The following ANKRD17 variants were observed in gnomAD, a reference collection of about 807,000 sequenced individuals.
The protein encoded by ANKRD17 is ankyrin repeat domain 17, also known as ankyrin repeat domain-containing protein 17.
In ANKRD17, 19 loss-of-function variants were observed where a neutral mutation model predicts 229.7. The observed-to-expected ratio is 0.08, with a 90% confidence interval of 0.06 to 0.12. The LOEUF (loss-of-function observed/expected upper bound fraction) is 0.12. ANKRD17 is among the 10% of genes least tolerant of loss of function. ANKRD17 has a pLI of 1.00. For synonymous variants in ANKRD17, 1,112 were observed against 1,146.1 expected (o/e 0.97, Z 0.60); for missense variants, 2,176 against 3,176.8 (o/e 0.68, Z 7.57).
At chr4:73,096,561 G>A (rs1443712095) in intron 27 of ANKRD17, among the ~76,000 whole-genome samples, 7 of 152,026 alleles carry the variant, frequency 4.6e-5, no homozygotes, top group Admixed American at 2.6e-4. Flanking sequence ...CGAAATTTCC[G>A]GAAAGTTCTT....
At chr4:73,087,300 G>T (rs961066709) in intron 29 of ANKRD17, among the ~76,000 whole-genome samples, 9 of 151,858 alleles carry the variant, frequency 5.9e-5, no homozygotes, top group African/African-American at 1.7e-4. Flanking sequence ...GCCCAGGCAG[G>T]TCTTAAATTT....
chr4:73,170,893 C>T (rs1272469353), intron 2 of ANKRD17, among the ~76,000 whole-genome samples: 1 of 152,088 alleles, frequency 6.6e-6, no homozygotes, highest in Non-Finnish European at 1.5e-5. Flanking sequence ...GGTTTTTGAC[C>T]TCAGTTCCTG....
intron 1 of ANKRD17, among the ~76,000 whole-genome samples, chr4:73,218,504 A>G (rs968149935): frequency 2.0e-5 from 3 of 151,946 alleles, no homozygotes; most frequent in Admixed American, 1.3e-4. Flanking sequence ...ATTGCCAGGC[A>G]TGGTGGCGCA....
At chr4:73,122,940 T>C (rs1266691407) in intron 18 of ANKRD17, among the ~76,000 whole-genome samples, 2 of 152,074 alleles carry the variant, frequency 1.3e-5, no homozygotes, top group African/African-American at 4.8e-5. Flanking sequence ...ACAACAAAAA[T>C]GTATGATTTT....
chr4:73,155,980 A>C (rs762439118), intron 4 of ANKRD17, 39 bp downstream of exon 4: 95 of 1,537,406 alleles, frequency 6.2e-5, no homozygotes, highest in Non-Finnish European at 7.9e-5. Flanking sequence ...GCCAGTTTTT[A>C]AAAAAACAAC....
chr4:73,136,193 C>T (rs1728874260), intron 15 of ANKRD17, among the ~76,000 whole-genome samples: 1 of 152,062 alleles, frequency 6.6e-6, no homozygotes, highest in African/African-American at 2.4e-5. Flanking sequence ...TGAACATCAT[C>T]TCCCCCAACC....
At chr4:73,189,926 C>T (rs1413596059) in intron 1 of ANKRD17, among the ~76,000 whole-genome samples, 2 of 152,092 alleles carry the variant, frequency 1.3e-5, no homozygotes, top group African/African-American at 4.8e-5. Flanking sequence ...AAATAGAACA[C>T]ATTATGACTA....
At chr4:73,171,037 T>C (rs369182762) in intron 2 of ANKRD17, among the ~76,000 whole-genome samples, 14 of 152,124 alleles carry the variant, frequency 9.2e-5, no homozygotes, top group African/African-American at 3.4e-4. Flanking sequence ...ACATAGGTGG[T>C]AGCCAGGTAG....
intron 25 of ANKRD17, among the ~76,000 whole-genome samples, chr4:73,101,345 AT>A (rs1723954586): frequency 6.6e-6 from 1 of 152,150 alleles, no homozygotes; most frequent in Non-Finnish European, 1.5e-5. Context: ...ATGTAAGCAA[AT>A]GTCATTCTTG....
At chr4:73,223,973 C>T (rs963710542) in intron 1 of ANKRD17, among the ~76,000 whole-genome samples, 14 of 152,032 alleles carry the variant, frequency 9.2e-5, no homozygotes, top group Admixed American at 7.2e-4. Flanking sequence ...AACAATGGGC[C>T]GAGCGCAGTG....
chr4:73,208,648 A>G (rs1171266596), intron 1 of ANKRD17, among the ~76,000 whole-genome samples: 2 of 152,198 alleles, frequency 1.3e-5, no homozygotes, highest in Non-Finnish European at 2.9e-5. Context: ...CTCCAAGGAA[A>G]CCCCAGTTAA....
At chr4:73,200,526 T>G (rs1738521803) in intron 1 of ANKRD17, among the ~76,000 whole-genome samples, 1 of 152,278 alleles carries the variant, frequency 6.6e-6, no homozygotes, top group African/African-American at 2.4e-5. Context: ...GGATTTTTTA[T>G]AGCTCCCCAG....
chr4:73,137,798 T>G lies in ANKRD17; in HGVS notation c.3085+1733A>C, dbSNP rs554983385. On this transcript the variant is annotated intron_variant, in intron 15 of 33. Transcript: ENST00000358602. ...TAAAAAGTTATATGCACTTAAAATT[T>G]TTTTATACAGAACACTGAGAATACA... 9.2e-5 allele frequency among the ~76,000 whole-genome samples: 14 copies of G among 152,324 alleles called. No individual in the cohort carries two copies. In the South Asian group the frequency reaches 2.9e-3, roughly 32 times the overall value.
At chr4:73,131,254 T>G (rs925013912) in intron 16 of ANKRD17, among the ~76,000 whole-genome samples, 5 of 152,080 alleles carry the variant, frequency 3.3e-5, no homozygotes, top group African/African-American at 7.2e-5. Flanking sequence ...TAGCAGAGAG[T>G]TGAAGCCCCT....
At chr4:73,080,081 G>T (rs1358259530) in intron 30 of ANKRD17, among the ~76,000 whole-genome samples, 1 of 152,062 alleles carries the variant, frequency 6.6e-6, no homozygotes, top group East Asian at 1.9e-4. Flanking sequence ...ACTCCAGCCT[G>T]GGTGACAGAG....
chr4:73,098,857 G>A, intron 25 of ANKRD17: 22 of 1,500,636 alleles, frequency 1.5e-5, no homozygotes, highest in Non-Finnish European at 1.9e-5. Flanking sequence ...GCCAGCCCTT[G>A]GCCTCCAAGC....
At position 73,135,140 on chromosome 4, in the gene ANKRD17, G is replaced by A; in HGVS notation, c.3211C>T (p.Pro1071Ser). The change falls in exon 16 of 34, where the codon CCT becomes TCT. Residue 1071 changes from proline (P) to serine (S), a missense_variant. Coordinates refer to ENST00000358602, the MANE Select transcript of ANKRD17 (RefSeq NM_032217.5). Reference protein sequence around the residue: ...ISPSAMLPIYPAIDIDAQTES... With the variant: ...ISPSAMLPIYSAIDIDAQTES... ...ACCTGTGCATCAATATCAATGGCAGGGTAGATAGGAAGCATGGCTGAAGGA... is the reference window on the plus strand; with the variant it reads ...ACCTGTGCATCAATATCAATGGCAGAGTAGATAGGAAGCATGGCTGAAGGA... The A allele has an allele frequency of 1.2e-6, 2 of 1,613,668 alleles. No individual in the cohort carries two copies. The highest frequency in any genetic ancestry group is 1.7e-6 in the Non-Finnish European group (2 of 1,179,706).
At chr4:73,222,892 A>G (rs989781436) in intron 1 of ANKRD17, 6 of 1,123,080 alleles carry the variant, frequency 5.3e-6, no homozygotes, top group African/African-American at 1.5e-5. Flanking sequence ...CCTCTAATCT[A>G]TTCATCTGTA....
intron 30 of ANKRD17, chr4:73,080,599 C>G (rs1196359343): frequency 6.6e-6 from 1 of 152,076 alleles, no homozygotes; most frequent in Non-Finnish European, 1.5e-5. Flanking sequence ...ACACCTAAAC[C>G]TCTAGGAAAA....
Sources: allele counts gnomAD v4.1 joint callset (sites outside exome capture counted in the v4.1 genomes callset), GRCh38; gene constraint gnomAD v4.1.1; transcripts MANE v1.5; gene names NCBI Gene and HGNC (gene_info 2026-07-23, HGNC 2026-07-21).